Variants in NAALADL2 observed in about 807,000 individuals in gnomAD.
NAALADL2 encodes inactive N-acetylated-alpha-linked acidic dipeptidase-like protein 2.
Under a neutral mutation model 87.2 loss-of-function variants are expected in NAALADL2, and 76 were observed. That is an observed-to-expected ratio of 0.87 (90% confidence interval 0.72 to 1.05). NAALADL2 has a LOEUF of 1.05. Among genes scored for constraint, NAALADL2 ranks in the 50% least tolerant of loss-of-function variants. The pLI is 0.00. For missense variants in NAALADL2, 1,089 were observed against 945.8 expected (o/e 1.15, Z -1.99); for synonymous variants, 354 against 331.0 (o/e 1.07, Z -0.75).
intron 2 of NAALADL2, chr3:175,218,140 T>C (rs1257097598): frequency 1.1e-5 from 5 of 445,146 alleles, no homozygotes; most frequent in Non-Finnish European, 2.3e-5. Flanking sequence ...AGCTTATTAT[T>C]TATAAGCCAA....
intron 1 of NAALADL2, among the ~76,000 whole-genome samples, chr3:174,512,667 A>G (rs1293846669): frequency 2.0e-5 from 3 of 152,104 alleles, no homozygotes; most frequent in African/African-American, 4.8e-5. Flanking sequence ...TGGCCTCCCC[A>G]AACGGATCTC....
At chr3:174,445,576 C>T (rs891662007) in intron 1 of NAALADL2, among the ~76,000 whole-genome samples, 1 of 152,066 alleles carries the variant, frequency 6.6e-6, no homozygotes, top group Admixed American at 6.5e-5. Flanking sequence ...TACAGGAGAA[C>T]TAGGTTTGTT....
intron 5 of NAALADL2, among the ~76,000 whole-genome samples, chr3:175,355,192 C>T (rs1581554028): frequency 6.6e-6 from 1 of 151,724 alleles, no homozygotes; most frequent in African/African-American, 2.4e-5. Flanking sequence ...CCTCAACCTC[C>T]CAAGCAGCTG....
At chr3:175,519,741 A>G (rs1248136110) in intron 9 of NAALADL2, among the ~76,000 whole-genome samples, 1 of 152,196 alleles carries the variant, frequency 6.6e-6, no homozygotes, top group Non-Finnish European at 1.5e-5. Context: ...AATGCTATAA[A>G]AGAAATTTCC....
At chr3:174,676,143 G>T (rs146470570) in intron 2 of NAALADL2, among the ~76,000 whole-genome samples, 19 of 152,054 alleles carry the variant, frequency 1.2e-4, no homozygotes, top group Admixed American at 1.2e-3. Flanking sequence ...TGTCATTGAA[G>T]GTTTATTCTT....
chr3:174,662,201 CATT>C (rs1414402994), intron 2 of NAALADL2, among the ~76,000 whole-genome samples: 2 of 152,128 alleles, frequency 1.3e-5, no homozygotes, highest in East Asian at 3.9e-4. Context: ...TTATAGCTAA[CATT>C]GTTATAAACT....
chr3:174,650,369 C>T (rs552870045), intron 2 of NAALADL2, among the ~76,000 whole-genome samples: 1 of 152,120 alleles, frequency 6.6e-6, no homozygotes, highest in Non-Finnish European at 1.5e-5. Flanking sequence ...TAGAAATCCA[C>T]AGCTTATGTA....
chr3:175,680,606 T>A (rs1735455662), intron 11 of NAALADL2, among the ~76,000 whole-genome samples: 1 of 152,186 alleles, frequency 6.6e-6, no homozygotes, highest in African/African-American at 2.4e-5. Context: ...AAGACTCTTA[T>A]GAGACAGATA....
At chr3:175,401,873 A>G (rs1482945446) in intron 5 of NAALADL2, among the ~76,000 whole-genome samples, 2 of 152,134 alleles carry the variant, frequency 1.3e-5, no homozygotes, top group Non-Finnish European at 2.9e-5. Flanking sequence ...TGTAAGCATA[A>G]AAGTCCAGTA....
chr3:175,021,950 G>A (rs1751613853), intron 1 of NAALADL2, among the ~76,000 whole-genome samples: 1 of 151,910 alleles, frequency 6.6e-6, no homozygotes, highest in Non-Finnish European at 1.5e-5. Flanking sequence ...TTAGGTCATG[G>A]GACTGGGAGT....
intron 3 of NAALADL2, among the ~76,000 whole-genome samples, chr3:174,769,582 T>C (rs1042246945): frequency 1.2e-4 from 18 of 151,532 alleles, no homozygotes; most frequent in Admixed American, 1.2e-3. Context: ...TTTTTATTTT[T>C]ATTTTATTAT....
chr3:174,594,906 G>C (rs1400185373), intron 2 of NAALADL2, among the ~76,000 whole-genome samples: 2 of 152,186 alleles, frequency 1.3e-5, no homozygotes, highest in South Asian at 4.1e-4. Context: ...TTTGTAGGTG[G>C]TTAACACAGA....
intron 11 of NAALADL2, among the ~76,000 whole-genome samples, chr3:175,722,450 A>C (rs2150037610): frequency 6.6e-6 from 1 of 152,264 alleles, no homozygotes; most frequent in East Asian, 1.9e-4. Context: ...GGTTCACTAA[A>C]GCATGACACC....
chr3:175,247,376 G>A (rs1560226568), intron 3 of NAALADL2, among the ~76,000 whole-genome samples: 2 of 152,120 alleles, frequency 1.3e-5, no homozygotes, highest in Admixed American at 6.5e-5. Flanking sequence ...GCAGAGCAAA[G>A]CAAACTGATA....
At chr3:175,742,660 G>C (rs1745401503) in intron 12 of NAALADL2, among the ~76,000 whole-genome samples, 1 of 152,180 alleles carries the variant, frequency 6.6e-6, no homozygotes, top group South Asian at 2.1e-4. Context: ...GCCTCCCAAA[G>C]TACTGGGATT....
intron 9 of NAALADL2, among the ~76,000 whole-genome samples, chr3:175,492,474 C>G (rs897048186): frequency 7.9e-5 from 12 of 152,194 alleles, no homozygotes; most frequent in African/African-American, 2.2e-4. Flanking sequence ...TGATAAGTGC[C>G]ATTCAAAGGG....
chr3:174,788,224 A>G (rs1285265551), intron 3 of NAALADL2, among the ~76,000 whole-genome samples: 1 of 152,186 alleles, frequency 6.6e-6, no homozygotes, highest in Non-Finnish European at 1.5e-5. Context: ...GAAGAATTGC[A>G]ATAGAAATCG....
chr3:175,180,908 A>T (rs948476679), intron 2 of NAALADL2, among the ~76,000 whole-genome samples: 6 of 152,058 alleles, frequency 3.9e-5, no homozygotes. Flanking sequence ...TAATTTGCCC[A>T]AAGTCACATA....
At chr3:174,795,955 C>T (rs949681931) in intron 3 of NAALADL2, among the ~76,000 whole-genome samples, 1 of 151,982 alleles carries the variant, frequency 6.6e-6, no homozygotes, top group Non-Finnish European at 1.5e-5. Context: ...GCATTGTTTC[C>T]CCAAATTTCT....
Sources: allele counts gnomAD v4.1 joint callset (sites outside exome capture counted in the v4.1 genomes callset), GRCh38; gene constraint gnomAD v4.1.1; transcripts MANE v1.5; gene names NCBI Gene and HGNC (gene_info 2026-07-23, HGNC 2026-07-21).